AFG2A: variants seen among roughly 807,000 people sequenced by gnomAD.
AFG2A encodes AAA ATPase AFG2A, also known as ATPase family gene 2 protein homolog A.
chr4:123,035,258 C>A, the AFG2A span, among the ~76,000 whole-genome samples: 1 of 152,128 alleles, frequency 6.6e-6, no homozygotes, highest in Non-Finnish European at 1.5e-5. Flanking sequence ...TCATTTCATG[C>A]CTTTTGTGGA....
At chr4:123,106,760 C>T in the AFG2A span, among the ~76,000 whole-genome samples, 3 of 152,246 alleles carry the variant, frequency 2.0e-5, no homozygotes, top group African/African-American at 7.2e-5. Flanking sequence ...CTCCTTCTGC[C>T]TGAGTACTGC....
chr4:123,028,895 G>A, the AFG2A span, among the ~76,000 whole-genome samples: 46 of 152,046 alleles, frequency 3.0e-4, no homozygotes, highest in Non-Finnish European at 5.6e-4. Context: ...TCATTGCTTC[G>A]CCCCGATTAA....
At chr4:122,934,070 A>G in the AFG2A span, 11 of 1,535,634 alleles carry the variant, frequency 7.2e-6, no homozygotes, top group South Asian at 1.3e-5. Context: ...TTATGCTAAC[A>G]TGTATATTTA....
chr4:123,011,740 AAC>A, the AFG2A span, among the ~76,000 whole-genome samples: 1 of 152,168 alleles, frequency 6.6e-6, no homozygotes, highest in East Asian at 1.9e-4. Context: ...AGGTCTTGAG[AAC>A]ACAGGCTAAG....
At chr4:123,086,968 C>G in the AFG2A span, among the ~76,000 whole-genome samples, 1 of 152,154 alleles carries the variant, frequency 6.6e-6, no homozygotes, top group Admixed American at 6.5e-5. Context: ...TACTTGTTGT[C>G]TACTTTGTCC....
chr4:123,057,778 G>GC, the AFG2A span, among the ~76,000 whole-genome samples: 1 of 151,182 alleles, frequency 6.6e-6, no homozygotes, highest in Non-Finnish European at 1.5e-5. Flanking sequence ...CAGTAAAGAG[G>GC]ATTATCTATG....
At chr4:123,049,445 T>C in the AFG2A span, among the ~76,000 whole-genome samples, 2 of 152,162 alleles carry the variant, frequency 1.3e-5, no homozygotes, top group African/African-American at 4.8e-5. Context: ...ATTCTTTAAA[T>C]GTTTGGTAGA....
At chr4:123,246,367 C>G in the AFG2A span, among the ~76,000 whole-genome samples, 17 of 152,282 alleles carry the variant, frequency 1.1e-4, no homozygotes, top group Admixed American at 2.0e-4. Context: ...CGTTCCTGTG[C>G]TTCTTCCACA....
the AFG2A span, among the ~76,000 whole-genome samples, chr4:123,281,631 G>A: frequency 1.3e-5 from 2 of 152,140 alleles, no homozygotes; most frequent in Non-Finnish European, 2.9e-5. Context: ...GTTCTTTAAA[G>A]TAGAAGAAAG....
the AFG2A span, among the ~76,000 whole-genome samples, chr4:122,959,376 A>T: frequency 7.2e-5 from 11 of 152,242 alleles, no homozygotes; most frequent in African/African-American, 2.7e-4. Flanking sequence ...ATAAAACTTT[A>T]AAAGTGGCAA....
chr4:123,065,501 C>G, the AFG2A span, among the ~76,000 whole-genome samples: 124,290 of 152,068 alleles, frequency 0.82, 52,415 homozygotes, highest in East Asian at 0.97. Context: ...TTTCTTCTTA[C>G]AGTAATTTTT....
the AFG2A span, among the ~76,000 whole-genome samples, chr4:123,195,317 T>A: frequency 6.6e-6 from 1 of 152,218 alleles, no homozygotes; most frequent in Non-Finnish European, 1.5e-5. Flanking sequence ...AATTTATTGA[T>A]AAAATATATA....
the AFG2A span, among the ~76,000 whole-genome samples, chr4:123,307,274 A>G: frequency 3.2e-3 from 490 of 152,202 alleles, 1 homozygote; most frequent in Non-Finnish European, 3.8e-3. Flanking sequence ...CCTAAGTAGC[A>G]TGACTACAGG....
At chr4:123,224,255 C>T in the AFG2A span, among the ~76,000 whole-genome samples, 7 of 151,914 alleles carry the variant, frequency 4.6e-5, no homozygotes, top group Non-Finnish European at 5.9e-5. Flanking sequence ...CACATGTGCA[C>T]AACGTGCAGG....
At chr4:123,124,137 G>A in the AFG2A span, among the ~76,000 whole-genome samples, 1 of 151,752 alleles carries the variant, frequency 6.6e-6, no homozygotes, top group African/African-American at 2.4e-5. Context: ...TCCATTACTG[G>A]GTATATACCC....
chr4:123,005,627 G>T, the AFG2A span, among the ~76,000 whole-genome samples: 2 of 152,094 alleles, frequency 1.3e-5, no homozygotes, highest in Non-Finnish European at 2.9e-5. Flanking sequence ...GGCATTCAAA[G>T]CCATAAACAT....
the AFG2A span, among the ~76,000 whole-genome samples, chr4:123,156,759 TA>T: frequency 0.19 from 26,236 of 134,620 alleles, 2,668 homozygotes; most frequent in African/African-American, 0.29. Flanking sequence ...TTAAGAAGAT[TA>T]AAAAAAAAAA....
chr4:123,172,541 C>T, the AFG2A span, among the ~76,000 whole-genome samples: 4 of 152,058 alleles, frequency 2.6e-5, no homozygotes, highest in East Asian at 1.9e-4. Context: ...AATCTATAGG[C>T]GAAAAAGAGC....
chr4:123,030,683 T>C, the AFG2A span, among the ~76,000 whole-genome samples: 1 of 152,200 alleles, frequency 6.6e-6, no homozygotes, highest in African/African-American at 2.4e-5. Flanking sequence ...TTTGAATCTG[T>C]ATGGAGGATA....
Sources: allele counts gnomAD v4.1 joint callset (sites outside exome capture counted in the v4.1 genomes callset), GRCh38; gene constraint gnomAD v4.1.1; transcripts MANE v1.5; gene names NCBI Gene and HGNC (gene_info 2026-07-23, HGNC 2026-07-21).